The following BLTP3B variants were observed in gnomAD, a reference collection of about 807,000 sequenced individuals.
BLTP3B encodes bridge-like lipid transfer protein family member 3B.
At chr12:100,127,036 C>T in the BLTP3B span, among the ~76,000 whole-genome samples, 3 of 151,570 alleles carry the variant, frequency 2.0e-5, no homozygotes, top group Non-Finnish European at 4.4e-5. Context: ...TAACACTTCA[C>T]CTTGAATAAG....
At chr12:100,123,168 G>A in the BLTP3B span, among the ~76,000 whole-genome samples, 24 of 151,996 alleles carry the variant, frequency 1.6e-4, no homozygotes, top group African/African-American at 5.8e-4. Flanking sequence ...GTGTCTGAGA[G>A]ATTAAAGGTA....
chr12:100,037,706 A>G, the BLTP3B span: 3 of 1,611,472 alleles, frequency 1.9e-6, no homozygotes, highest in Non-Finnish European at 2.5e-6. Flanking sequence ...TGCAAGAGCC[A>G]TTTTAGCTTT....
chr12:100,101,459 T>C, the BLTP3B span, among the ~76,000 whole-genome samples: 33 of 152,206 alleles, frequency 2.2e-4, no homozygotes, highest in Non-Finnish European at 4.6e-4. Flanking sequence ...TAGAATACTA[T>C]ACATGTTCAG....
the BLTP3B span, chr12:100,059,660 G>A: frequency 1.7e-6 from 2 of 1,181,154 alleles, no homozygotes; most frequent in Non-Finnish European, 1.2e-6. Flanking sequence ...TTCCTATTAA[G>A]ACGTAAAACA....
At chr12:100,042,042 C>T in the BLTP3B span, among the ~76,000 whole-genome samples, 5 of 152,030 alleles carry the variant, frequency 3.3e-5, no homozygotes, top group Admixed American at 6.6e-5. Context: ...TACAAATAAA[C>T]TTAACAAAAG....
the BLTP3B span, among the ~76,000 whole-genome samples, chr12:100,127,192 C>A: frequency 6.6e-6 from 1 of 152,178 alleles, no homozygotes; most frequent in Non-Finnish European, 1.5e-5. Context: ...TCAGAACCAT[C>A]CTTGAAAGCC....
chr12:100,142,832 C>A, the BLTP3B span: 1 of 682,060 alleles, frequency 1.5e-6, no homozygotes, highest in African/African-American at 1.9e-5. Context: ...CCGCCACGGC[C>A]GCCGCGGGCG....
chr12:100,097,667 C>G, the BLTP3B span, among the ~76,000 whole-genome samples: 1 of 152,152 alleles, frequency 6.6e-6, no homozygotes, highest in African/African-American at 2.4e-5. Context: ...ATTATTCCAT[C>G]AAATTCAATT....
the BLTP3B span, among the ~76,000 whole-genome samples, chr12:100,087,286 C>A: frequency 6.7e-6 from 1 of 149,836 alleles, no homozygotes; most frequent in African/African-American, 2.5e-5. Flanking sequence ...ACATAAAAAT[C>A]AAATTTTAAA....
At chr12:100,121,623 G>A in the BLTP3B span, among the ~76,000 whole-genome samples, 1 of 151,824 alleles carries the variant, frequency 6.6e-6, no homozygotes, top group African/African-American at 2.4e-5. Flanking sequence ...CTGAGGTCGG[G>A]AGTTTGAGAC....
At chr12:100,101,809 A>C in the BLTP3B span, among the ~76,000 whole-genome samples, 79 of 152,112 alleles carry the variant, frequency 5.2e-4, no homozygotes, top group South Asian at 1.0e-3. Context: ...CATCAACTTA[A>C]CTCTTTGTTT....
the BLTP3B span, chr12:100,103,972 A>T: frequency 6.3e-7 from 1 of 1,584,092 alleles, no homozygotes; most frequent in Non-Finnish European, 8.6e-7. Flanking sequence ...AAAATTTTTA[A>T]TTTAAGATCA....
the BLTP3B span, among the ~76,000 whole-genome samples, chr12:100,121,355 A>AG: frequency 1.5e-5 from 1 of 66,610 alleles, no homozygotes; most frequent in Admixed American, 1.8e-4. Flanking sequence ...CATCTCATGG[A>AG]AAAAAAAAAA....
the BLTP3B span, among the ~76,000 whole-genome samples, chr12:100,086,833 G>A: frequency 6.6e-6 from 1 of 152,140 alleles, no homozygotes. Context: ...AGGAAATCTT[G>A]AACACTACAC....
chr12:100,074,728 A>G, the BLTP3B span, among the ~76,000 whole-genome samples: 1 of 152,122 alleles, frequency 6.6e-6, no homozygotes, highest in Non-Finnish European at 1.5e-5. Flanking sequence ...ATGAAACCCA[A>G]AAGCCTGAAT....
At chr12:100,066,100 A>G in the BLTP3B span, among the ~76,000 whole-genome samples, 1 of 152,168 alleles carries the variant, frequency 6.6e-6, no homozygotes, top group Non-Finnish European at 1.5e-5. Context: ...GGTTCCCCCA[A>G]TATTCACCAA....
At chr12:100,140,754 A>ATATATATATATATATATAT in the BLTP3B span, among the ~76,000 whole-genome samples, 1 of 135,906 alleles carries the variant, frequency 7.4e-6, no homozygotes, top group Non-Finnish European at 1.6e-5. Context: ...ATATATATAT[A>ATATATATATATATATATAT]AAATAAAATA....
the BLTP3B span, among the ~76,000 whole-genome samples, chr12:100,121,932 CTATA>C: frequency 2.0e-5 from 3 of 151,544 alleles, no homozygotes; most frequent in African/African-American, 4.8e-5. Flanking sequence ...TATATACATA[CTATA>C]TATATACACA....
the BLTP3B span, among the ~76,000 whole-genome samples, chr12:100,097,679 C>T: frequency 1.1e-4 from 16 of 152,142 alleles, no homozygotes; most frequent in African/African-American, 3.9e-4. Flanking sequence ...AATTCAATTA[C>T]ACCTCTTCAT....
Sources: allele counts gnomAD v4.1 joint callset (sites outside exome capture counted in the v4.1 genomes callset), GRCh38; gene constraint gnomAD v4.1.1; transcripts MANE v1.5; gene names NCBI Gene and HGNC (gene_info 2026-07-23, HGNC 2026-07-21).